The following ASIC2 variants were observed in gnomAD, a reference collection of about 807,000 sequenced individuals.
ASIC2 encodes the protein acid-sensing ion channel 2.
Under a neutral mutation model 57.3 loss-of-function variants are expected in ASIC2, and 25 were observed. That is an observed-to-expected ratio of 0.44 (90% confidence interval 0.32 to 0.61). ASIC2 has a LOEUF of 0.61. ASIC2 is among the 20% of genes least tolerant of loss of function. The pLI is 0.06. For synonymous variants in ASIC2, 319 were observed against 307.5 expected, an observed-to-expected ratio of 1.04 and a Z score of -0.39; for missense variants, 641 against 738.1, an observed-to-expected ratio of 0.87 and a Z score of 1.52.
chr17:34,132,689 C>T (rs1912024131), intron 1 of ASIC2, among the ~76,000 whole-genome samples: 1 of 152,162 alleles, frequency 6.6e-6, no homozygotes, highest in South Asian at 2.1e-4. Flanking sequence ...TCTAAGTCCC[C>T]ACTCGACCCA....
At chr17:33,515,738 A>G (rs1914546026) in intron 1 of ASIC2, among the ~76,000 whole-genome samples, 2 of 152,204 alleles carry the variant, frequency 1.3e-5, no homozygotes, top group Non-Finnish European at 2.9e-5. Flanking sequence ...TGAGGCTTCA[A>G]TAGTCCCAGA....
intron 1 of ASIC2, among the ~76,000 whole-genome samples, chr17:33,920,852 C>T (rs1357731482): frequency 6.6e-6 from 1 of 152,306 alleles, no homozygotes; most frequent in Admixed American, 6.5e-5. Flanking sequence ...CACACAACAT[C>T]ATCCCCAGAC....
In ASIC2 at chr17:33,744,626, A is replaced by T. The variant is rs542963345; in HGVS notation, c.555+411352T>A. On this transcript the variant is annotated intron_variant, in intron 1 of 9. Transcript: ENST00000359872. The stretch of plus-strand genomic sequence containing the variant: ...ATTGCTATAATGTATTACCTAAAGC[A>T]TCCATTTTTCAACACAAAATTATGA... 3.5e-4 allele frequency among the ~76,000 whole-genome samples: 54 copies of T among 152,352 alleles called. 2 individuals carry two copies. The South Asian group carries it at 0.011, about 32-fold the overall frequency.
chr17:33,958,865 CA>C (rs900307806), intron 1 of ASIC2, among the ~76,000 whole-genome samples: 4 of 152,112 alleles, frequency 2.6e-5, no homozygotes, highest in African/African-American at 9.7e-5. Context: ...GCAAATTTTC[CA>C]AACTTTTATA....
In ASIC2 at chr17:33,847,084, C is replaced by A. The variant is rs138908505; in HGVS notation, c.555+308894G>T. ...CCAGCCAGGAACATCTAAACCCAGGCACCTAAAGGATTTGGAAATAGCTCC... is the reference window on the plus strand; with the variant it reads ...CCAGCCAGGAACATCTAAACCCAGGAACCTAAAGGATTTGGAAATAGCTCC... On this transcript the variant is annotated intron_variant, in intron 1 of 9. Coordinates refer to the ASIC2 transcript ENST00000359872. 3.8e-3 allele frequency among the ~76,000 whole-genome samples: 579 copies of A among 151,836 alleles called. 3 individuals are homozygous for A. Among genetic ancestry groups the A allele is most frequent in the African/African-American group, 0.014 (558 of 41,312 alleles).
chr17:33,563,570 T>G (rs1048795504), intron 1 of ASIC2, among the ~76,000 whole-genome samples: 1 of 152,226 alleles, frequency 6.6e-6, no homozygotes, highest in African/African-American at 2.4e-5. Context: ...TTTTCTAAGC[T>G]GCATGGCCTC....
At chr17:33,104,702 C>T (rs2092228256) in intron 2 of ASIC2, among the ~76,000 whole-genome samples, 1 of 152,190 alleles carries the variant, frequency 6.6e-6, no homozygotes, top group Non-Finnish European at 1.5e-5. Flanking sequence ...ATTCTCTCTT[C>T]AGAGATGCTG....
At chr17:33,602,908 A>G (rs749818708) in intron 1 of ASIC2, among the ~76,000 whole-genome samples, 2 of 152,186 alleles carry the variant, frequency 1.3e-5, no homozygotes, top group Non-Finnish European at 2.9e-5. Flanking sequence ...TCAGTGTTTT[A>G]TCCTCCAGAG....
At position 33,951,888 on chromosome 17, in the gene ASIC2, C is replaced by T. The variant is rs144448755; in HGVS notation, c.555+204090G>A. On this transcript the variant is annotated intron_variant, in intron 1 of 9. Coordinates refer to the ASIC2 transcript ENST00000359872. ...GGATTACAGGTGTGAGCCACCCTGC[C>T]TGGTCTCTTCCTCCTTTCTTACTGA... 4.2e-3 allele frequency among the ~76,000 whole-genome samples: 639 copies of T among 152,198 alleles called. 1 individual carries two copies. Among genetic ancestry groups the T allele is most frequent in the Non-Finnish European group, 7.0e-3 (473 of 68,014 alleles).
chr17:34,111,109 C>T (rs990398358), intron 1 of ASIC2, among the ~76,000 whole-genome samples: 1 of 151,774 alleles, frequency 6.6e-6, no homozygotes, highest in African/African-American at 2.4e-5. Context: ...ACCTGTAATC[C>T]CAGCTACTCA....
intron 1 of ASIC2, among the ~76,000 whole-genome samples, chr17:33,612,444 G>C (rs1235092169): frequency 6.6e-6 from 1 of 152,218 alleles, no homozygotes; most frequent in East Asian, 1.9e-4. Context: ...ATGAGGAAGA[G>C]AGTTTGAAGC....
chr17:33,940,356 G>A lies in ASIC2; in HGVS notation c.555+215622C>T, dbSNP rs1916159714. Among the ~76,000 whole-genome samples the A allele has an allele frequency of 2.6e-5, 4 of 152,204 alleles. No homozygotes were observed. The South Asian group carries it at 8.3e-4, about 32-fold the overall frequency. ...TCCAGCTGCAACAGCAGTTTCCAGA[G>A]GGATCACCCTGAAGCATCTCTATCA... On this transcript the variant is annotated intron_variant, in intron 1 of 9. Transcript: ENST00000359872.
intron 1 of ASIC2, among the ~76,000 whole-genome samples, chr17:33,728,844 A>C (rs900379526): frequency 1.3e-5 from 2 of 152,180 alleles, no homozygotes; most frequent in African/African-American, 4.8e-5. Context: ...CCGTATCTAC[A>C]GAGGAGCCAG....
At chr17:33,895,040 A>T (rs1915059847) in intron 1 of ASIC2, among the ~76,000 whole-genome samples, 1 of 152,168 alleles carries the variant, frequency 6.6e-6, no homozygotes, top group African/African-American at 2.4e-5. Flanking sequence ...TGGGTTGTAC[A>T]TTCAAGTTCT....
chr17:33,806,226 A>G (rs1002025167), intron 1 of ASIC2, among the ~76,000 whole-genome samples: 6 of 152,214 alleles, frequency 3.9e-5, no homozygotes, highest in African/African-American at 1.4e-4. Flanking sequence ...CAAATACTCA[A>G]CTCTGCCTTT....
chr17:33,786,475 C>T (rs1567715157), intron 1 of ASIC2, among the ~76,000 whole-genome samples: 1 of 152,148 alleles, frequency 6.6e-6, no homozygotes, highest in Non-Finnish European at 1.5e-5. Flanking sequence ...TAAAAACTTA[C>T]TATCTGCTAT....
At chr17:33,205,680 G>A (rs1348380671) in intron 1 of ASIC2, among the ~76,000 whole-genome samples, 1 of 152,212 alleles carries the variant, frequency 6.6e-6, no homozygotes, top group Non-Finnish European at 1.5e-5. Flanking sequence ...GCCTCTTGCT[G>A]GAGGCAGCCG....
At chr17:33,115,391 C>T (rs1039841566) in intron 1 of ASIC2, among the ~76,000 whole-genome samples, 1 of 152,148 alleles carries the variant, frequency 6.6e-6, no homozygotes, top group Admixed American at 6.5e-5. Flanking sequence ...TGTGTGACTT[C>T]CTGTTGCATT....
chr17:33,626,015 T>C (rs925935861), intron 1 of ASIC2, among the ~76,000 whole-genome samples: 2 of 152,202 alleles, frequency 1.3e-5, no homozygotes, highest in Admixed American at 6.5e-5. Context: ...AAAGGAGAAT[T>C]GGAAGAAGAT....
Sources: allele counts gnomAD v4.1 joint callset (sites outside exome capture counted in the v4.1 genomes callset), GRCh38; gene constraint gnomAD v4.1.1; transcripts MANE v1.5; gene names NCBI Gene and HGNC (gene_info 2026-07-23, HGNC 2026-07-21).